Variants in CELF2 observed in about 807,000 individuals in gnomAD.
CELF2 encodes the protein CUG triplet repeat RNA-binding protein 2.
A neutral mutation model predicts 62.6 loss-of-function variants in CELF2; 8 were observed. The observed-to-expected ratio is 0.13, with a 90% CI of 0.07 to 0.23. The LOEUF (loss-of-function observed/expected upper bound fraction) is 0.23. Among genes scored for constraint, CELF2 ranks in the 10% least tolerant of loss-of-function variants. The pLI, the probability that CELF2 is intolerant of heterozygous loss-of-function variation, is 1.00. For synonymous variants in CELF2, 258 were observed against 250.0 expected (o/e 1.03, Z -0.30); for missense variants, 333 against 671.0 (o/e 0.50, Z 5.56).
the CELF2 span, among the ~76,000 whole-genome samples, chr10:10,666,198 C>T: frequency 0.23 from 35,446 of 152,030 alleles, 4,311 homozygotes; most frequent in South Asian, 0.44. Flanking sequence ...TAACCTCTCC[C>T]TTTTCCAGAT....
the CELF2 span, among the ~76,000 whole-genome samples, chr10:10,767,860 G>A: frequency 7.0e-6 from 1 of 143,782 alleles, no homozygotes; most frequent in Non-Finnish European, 1.5e-5. Context: ...GCCGGGCGTG[G>A]TGGCGGGCGC....
chr10:11,096,579 A>G (rs924997724), intron 1 of CELF2, among the ~76,000 whole-genome samples: 1 of 152,216 alleles, frequency 6.6e-6, no homozygotes, highest in Non-Finnish European at 1.5e-5. Context: ...TGTTGCACGG[A>G]GCTAACTGAG....
At chr10:11,206,581 G>A (rs1378079553) in intron 2 of CELF2, among the ~76,000 whole-genome samples, 1 of 152,184 alleles carries the variant, frequency 6.6e-6, no homozygotes, top group Non-Finnish European at 1.5e-5. Context: ...TGAGCCACTG[G>A]TCTCCACCTC....
At chr10:11,188,742 T>C (rs1049150420) in intron 2 of CELF2, among the ~76,000 whole-genome samples, 8 of 152,238 alleles carry the variant, frequency 5.3e-5, no homozygotes, top group African/African-American at 1.9e-4. Context: ...CTGCTTTCTC[T>C]CAACTCTCCT....
At chr10:11,032,024 T>G (rs2060192791) in intron 1 of CELF2, among the ~76,000 whole-genome samples, 1 of 151,874 alleles carries the variant, frequency 6.6e-6, no homozygotes, top group Non-Finnish European at 1.5e-5. Context: ...TTGATTTAGA[T>G]CGAAGCATGA....
chr10:10,705,366 T>TGA, the CELF2 span, among the ~76,000 whole-genome samples: 2 of 134,038 alleles, frequency 1.5e-5, no homozygotes, highest in South Asian at 2.4e-4. Flanking sequence ...CCTTCCCTAT[T>TGA]AAAAAAAAAA....
At chr10:10,621,151 G>A in the CELF2 span, among the ~76,000 whole-genome samples, 16 of 150,826 alleles carry the variant, frequency 1.1e-4, 1 homozygote, top group South Asian at 3.1e-3. Flanking sequence ...GGCTGAGGCA[G>A]GAGAATGGCG....
intron 2 of CELF2, among the ~76,000 whole-genome samples, chr10:11,190,709 C>A (rs909029987): frequency 1.0e-5 from 1 of 99,712 alleles, no homozygotes; most frequent in Non-Finnish European, 1.9e-5. Flanking sequence ...TGAAAGCATA[C>A]AAAAAAGGAG....
chr10:10,712,468 C>T, the CELF2 span, among the ~76,000 whole-genome samples: 2 of 151,958 alleles, frequency 1.3e-5, no homozygotes, highest in Non-Finnish European at 2.9e-5. Flanking sequence ...AATGGACCCT[C>T]TTTTTTTTAA....
chr10:11,222,686 C>G (rs1337153023), intron 3 of CELF2, among the ~76,000 whole-genome samples: 4 of 152,190 alleles, frequency 2.6e-5, no homozygotes, highest in Admixed American at 2.6e-4. Flanking sequence ...ACTATGCTTA[C>G]ACGTGGTATG....
chr10:11,202,901 ATCTCTCTCTCTCTCTC>A lies in CELF2; in HGVS notation c.272-14488_272-14473del, dbSNP rs56373613. Reference sequence around the variant, plus strand: ...TGCCTGCCTTCCCACCCCCATCCTCATCTCTCTCTCTCTCTCTCTCTCTCTCTCTCTCTCTCTCTCT... The same window carrying A: ...TGCCTGCCTTCCCACCCCCATCCTCATCTCTCTCTCTCTCTCTCTCTCTCT... On this transcript the variant is annotated intron_variant, in intron 2 of 12. Coordinates refer to ENST00000633077, the MANE Select transcript of CELF2 (RefSeq NM_001326342.2). 1.6e-3 allele frequency among the ~76,000 whole-genome samples: 113 copies of A among 70,980 alleles called. No individual in the cohort carries two copies. In the East Asian group the frequency reaches 0.027, roughly 17 times the overall value. 46.6% of individuals were successfully genotyped at this position (70,980 alleles called of 152,430 possible). A position where few individuals can be genotyped will look rare whatever the true frequency, so the allele number is the denominator to read the frequency against.
intron 2 of CELF2, among the ~76,000 whole-genome samples, chr10:10,976,904 T>A (rs1052544176): frequency 1.3e-5 from 2 of 152,176 alleles, no homozygotes; most frequent in African/African-American, 4.8e-5. Flanking sequence ...CATTTCCAGA[T>A]AACCCTTCTT....
chr10:10,651,413 G>A, the CELF2 span, among the ~76,000 whole-genome samples: 2 of 144,026 alleles, frequency 1.4e-5, no homozygotes, highest in Admixed American at 6.9e-5. Context: ...CCACCTCTGG[G>A]GGCAGGGCAC....
chr10:10,582,032 A>T, the CELF2 span, among the ~76,000 whole-genome samples: 70 of 152,268 alleles, frequency 4.6e-4, no homozygotes, highest in African/African-American at 1.5e-3. Flanking sequence ...CATCTAAAAA[A>T]AAAGGGTGGG....
At chr10:11,102,563 G>T (rs2052002306) in intron 1 of CELF2, among the ~76,000 whole-genome samples, 1 of 152,160 alleles carries the variant, frequency 6.6e-6, no homozygotes, top group South Asian at 2.1e-4. Flanking sequence ...ATTTGTCCTT[G>T]AAACTCGGGG....
At chr10:10,773,091 G>C in the CELF2 span, among the ~76,000 whole-genome samples, 1 of 152,272 alleles carries the variant, frequency 6.6e-6, no homozygotes, top group Non-Finnish European at 1.5e-5. Context: ...GCAGTGAACA[G>C]CATCTGCCAC....
the CELF2 span, among the ~76,000 whole-genome samples, chr10:10,736,396 C>CTTTCTTTCTTTCTT: frequency 4.6e-3 from 347 of 75,934 alleles, 1 homozygote; most frequent in African/African-American, 8.0e-3. Context: ...TTCTTTCTTT[C>CTTTCTTTCTTTCTT]TTTTTTTTTT....
At position 11,156,143 on chromosome 10, in the gene CELF2, G is replaced by A. The variant is rs114299513; in HGVS notation, c.75-9343G>A. ...GAGAACAAGAGGATAGCCAGAATCAGGACAGTGGCTGTTCAGGGACAAGTG... is the reference window on the plus strand; with the variant it reads ...GAGAACAAGAGGATAGCCAGAATCAAGACAGTGGCTGTTCAGGGACAAGTG... On this transcript the variant is annotated intron_variant, in intron 1 of 12. Coordinates refer to ENST00000633077, the MANE Select transcript of CELF2 (RefSeq NM_001326342.2). The surrounding 1 kb of genome is among the most constrained non-coding windows in gnomAD (Gnocchi z 4.3). Among the ~76,000 whole-genome samples, 1,640 of 152,228 alleles carry A rather than the reference G, an allele frequency of 0.011. 26 individuals are homozygous for A. Among genetic ancestry groups the A allele is most frequent in the African/African-American group, 0.038 (1,564 of 41,514 alleles).
rs1324819114 is a variant in CELF2, at chr10:11,191,011, G to C, written c.271+25329G>C. ...CAGCAGCATCAATGTATTTAATGCT[G>C]CTGACCTTCATGGACATCCTGGTCA... On this transcript the variant is annotated intron_variant, in intron 2 of 12. Transcript: ENST00000633077. This position sits in a 1 kb window ranked among gnomAD's most constrained non-coding sequence, Gnocchi z 4.1. Among the ~76,000 whole-genome samples the C allele has an allele frequency of 2.6e-5, 4 of 152,248 alleles. No individual in the cohort carries two copies. The highest frequency in any genetic ancestry group is 5.9e-5 in the Non-Finnish European group (4 of 68,016).
Sources: allele counts gnomAD v4.1 joint callset (sites outside exome capture counted in the v4.1 genomes callset), GRCh38; gene constraint gnomAD v4.1.1; non-coding constraint Gnocchi (gnomAD v3.1); transcripts MANE v1.5; gene names NCBI Gene and HGNC (gene_info 2026-07-23, HGNC 2026-07-21).